Variants in COL18A1 observed in about 807,000 individuals in gnomAD.
COL18A1 encodes the protein collagen type XVIII alpha 1 chain, also known as collagen alpha-1(XVIII) chain.
Under a neutral mutation model 168.0 loss-of-function variants are expected in COL18A1, and 133 were observed. The observed-to-expected ratio is 0.79, with a 90% CI of 0.69 to 0.91. The LOEUF (loss-of-function observed/expected upper bound fraction) is 0.91, where lower values mean the gene tolerates loss of function less well. Ranked by LOEUF, COL18A1 falls within the 40% of genes least tolerant of loss-of-function variation. The pLI is 0.00. For synonymous variants in COL18A1, 949 were observed against 809.0 expected, an observed-to-expected ratio of 1.17 and a Z score of -2.94; for missense variants, 2,126 against 1,925.4, an observed-to-expected ratio of 1.10 and a Z score of -1.95.
chr21:45,484,471 G>A (rs1044037904), intron 15 of COL18A1, among the ~76,000 whole-genome samples: 2 of 129,536 alleles, frequency 1.5e-5, no homozygotes, highest in Admixed American at 7.6e-5. Flanking sequence ...ACACATGCAC[G>A]CCTCTCCAGC....
chr21:45,501,645 G>A (rs1023716176), intron 32 of COL18A1, among the ~76,000 whole-genome samples: 31 of 151,590 alleles, frequency 2.0e-4, no homozygotes, highest in Non-Finnish European at 4.1e-4. Flanking sequence ...TCTCCCAGGT[G>A]GTGGGGCCTC....
intron 2 of COL18A1, among the ~76,000 whole-genome samples, chr21:45,452,526 G>T (rs1296478587): frequency 6.6e-6 from 1 of 152,080 alleles, no homozygotes; most frequent in Non-Finnish European, 1.5e-5. Flanking sequence ...GAGCATGCAT[G>T]TACATATGTG....
chr21:45,460,166 TCAG>T (rs975642651), intron 2 of COL18A1, among the ~76,000 whole-genome samples: 2 of 152,194 alleles, frequency 1.3e-5, no homozygotes, highest in African/African-American at 4.8e-5. Context: ...AGAGCGCTCT[TCAG>T]CATCGCAGCA....
intron 39 of COL18A1, 108 bp from the exon 40 acceptor site, chr21:45,509,956 C>T: frequency 7.6e-7 from 1 of 1,307,364 alleles, no homozygotes; most frequent in Non-Finnish European, 1.0e-6. Context: ...GCTCAGCGCC[C>T]CTCGGCCGTG....
rs554366449 is a variant in COL18A1 at position 45,455,496 on chromosome 21, C to T, written c.107-12746C>T. ...AGCCCCACCTCCAGGCACAGAGGCC[C>T]TCCCGCCGCCCGCAGCTCCAGCCGC... On this transcript the variant is annotated intron_variant, in intron 2 of 41. Coordinates refer to ENST00000651438, the MANE Select transcript of COL18A1 (RefSeq NM_001379500.1). 3 of 1,609,024 alleles carry T rather than the reference C, an allele frequency of 1.9e-6. No homozygotes were observed. In the South Asian group the frequency reaches 3.3e-5, roughly 18 times the overall value.
rs7277874 is a variant in COL18A1, at chr21:45,499,742, G to A, written c.2683+2081G>A. On this transcript the variant is annotated intron_variant, in intron 32 of 41. Coordinates refer to ENST00000651438, the MANE Select transcript of COL18A1 (RefSeq NM_001379500.1). ...TATATTGGACGGTGAGGTTGGAGAG[G>A]AATGCAGAGCTAACACTGGTGGAGA... 8.7e-3 allele frequency among the ~76,000 whole-genome samples: 1,321 copies of A among 152,354 alleles called. 25 individuals carry two copies. Among genetic ancestry groups the A allele is most frequent in the African/African-American group, 0.03 (1,251 of 41,576 alleles).
Position 45,476,440 on chromosome 21 carries a change from TGAA to T in COL18A1, c.893_895del (p.Glu298del), listed in dbSNP as rs1295283763. The stretch of plus-strand genomic sequence containing the variant: ...GCAGCAGCACGGAAGATTCCAGAAG[TGAA>T]GAAGTCGAGGAGCAGACCACGGTGG... On this transcript the variant is annotated inframe_deletion, in exon 6 of 42. Transcript: ENST00000651438. The T allele has an allele frequency of 6.2e-7, 1 of 1,613,834 alleles. No individual in the cohort carries two copies. Among genetic ancestry groups the T allele is most frequent in the East Asian group, 2.2e-5 (1 of 44,862 alleles).
chr21:45,440,314 C>T (rs13048503), intron 2 of COL18A1, among the ~76,000 whole-genome samples: 1 of 152,234 alleles, frequency 6.6e-6, no homozygotes, highest in Non-Finnish European at 1.5e-5. Flanking sequence ...TGCCCACCCA[C>T]GGAGAGGGTC....
chr21:45,478,601 C>T (rs1287267583), intron 9 of COL18A1, among the ~76,000 whole-genome samples: 2 of 150,924 alleles, frequency 1.3e-5, no homozygotes, highest in Non-Finnish European at 2.9e-5. Flanking sequence ...TGAGAAAAGG[C>T]AGAGCTTCCA....
At chr21:45,426,776 C>T (rs2033816346) in intron 2 of COL18A1, among the ~76,000 whole-genome samples, 1 of 152,244 alleles carries the variant, frequency 6.6e-6, no homozygotes, top group Admixed American at 6.5e-5. Context: ...CAGACACTTG[C>T]CCATTCTGGG....
In COL18A1 at chr21:45,431,562, C is replaced by G. The variant is rs574055037; in HGVS notation, c.106+26089C>G. On this transcript the variant is annotated intron_variant, in intron 2 of 41. Coordinates refer to ENST00000651438, the MANE Select transcript of COL18A1 (RefSeq NM_001379500.1). ...CGGCGGCCCAGGGGAGGGGGGCAGGCAGGACCAGGCGGCCCTGGGGGTCAG... is the reference window on the plus strand; with the variant it reads ...CGGCGGCCCAGGGGAGGGGGGCAGGGAGGACCAGGCGGCCCTGGGGGTCAG... 7.9e-4 allele frequency among the ~76,000 whole-genome samples: 117 copies of G among 147,990 alleles called. 2 individuals are homozygous for G. The highest frequency in any genetic ancestry group is 2.8e-3 in the African/African-American group (110 of 39,366).
intron 2 of COL18A1, chr21:45,422,693 G>A (rs2033664965): frequency 2.8e-5 from 9 of 316,194 alleles, no homozygotes; most frequent in South Asian, 1.9e-4. Flanking sequence ...GCGGCCCCAG[G>A]TCAGGCCACT....
chr21:45,507,885 T>TG (rs2037317382), intron 38 of COL18A1, among the ~76,000 whole-genome samples: 1 of 152,180 alleles, frequency 6.6e-6, no homozygotes, highest in African/African-American at 2.4e-5. Flanking sequence ...TCAAAATCCT[T>TG]GGGGCCAAAA....
chr21:45,468,673 T>C lies in COL18A1; in HGVS notation c.538T>C (p.Cys180Arg). 6.2e-7 allele frequency: 1 copy of C among 1,613,898 alleles called. No individual in the cohort carries two copies. Among genetic ancestry groups the C allele is most frequent in the Non-Finnish European group, 8.5e-7 (1 of 1,180,004 alleles). ...TGGCTTTGTGGCCCTCTACGTGGACTGTGAGGAGTTCCAGAGAATGCCGCT... is the reference window on the plus strand; with the variant it reads ...TGGCTTTGTGGCCCTCTACGTGGACCGTGAGGAGTTCCAGAGAATGCCGCT... Reference protein sequence around the residue: ...AGGFVALYVDCEEFQRMPLAR... With the variant: ...AGGFVALYVDREEFQRMPLAR... The change falls in exon 3 of 42, where the codon TGT becomes CGT. Residue 180 changes from cysteine to arginine, a missense_variant. Transcript: ENST00000651438.
chr21:45,492,567 ATG>A lies in COL18A1; in HGVS notation c.2187+6_2187+7del. 1 of 1,613,154 alleles carries A rather than the reference ATG, an allele frequency of 6.2e-7. No homozygotes were observed. The highest frequency in any genetic ancestry group is 8.5e-7 in the Non-Finnish European group (1 of 1,179,994). The stretch of plus-strand genomic sequence containing the variant: ...TCCTGAGCGTGCCGGGACCTGAGGT[ATG>A]TGCCTGCCCAGCTTCTAAGAGACGG... On this transcript the variant is annotated splice_donor_5th_base_variant and intron_variant, in intron 23 of 41. Transcript: ENST00000651438.
intron 22 of COL18A1, among the ~76,000 whole-genome samples, chr21:45,492,129 C>T (rs1346949979): frequency 2.0e-5 from 3 of 152,162 alleles, no homozygotes; most frequent in Non-Finnish European, 2.9e-5. Context: ...TGCCCCAGCA[C>T]GGCTTTGCTA....
chr21:45,491,218 C>T lies in COL18A1; in HGVS notation c.2068-7C>T, dbSNP rs369084150. The stretch of plus-strand genomic sequence containing the variant: ...TGAAATGCCGGACGCGTGGCCTCCT[C>T]TTCCAGGGAGATCCAGGGAAGGACG... On this transcript the variant is annotated splice_polypyrimidine_tract_variant and splice_region_variant and intron_variant, in intron 21 of 41. Transcript: ENST00000651438. 366 of 1,610,920 alleles carry T rather than the reference C, an allele frequency of 2.3e-4. 1 individual carries two copies. Among genetic ancestry groups the T allele is most frequent in the Middle Eastern group, 1.5e-3 (9 of 6,048 alleles).
At chr21:45,409,264 G>A (rs1023749553) in intron 2 of COL18A1, among the ~76,000 whole-genome samples, 1 of 152,196 alleles carries the variant, frequency 6.6e-6, no homozygotes, top group South Asian at 2.1e-4. Context: ...GACGGCGCAG[G>A]GTCTGAGACA....
rs371143353 is a variant in COL18A1 at position 45,438,262 on chromosome 21, T to TCA, written c.107-29976_107-29975dup. On this transcript the variant is annotated intron_variant, in intron 2 of 41. Transcript: ENST00000651438. ...GGCACTCTCCTGCACACACACACAC[T>TCA]CACACTCAGACACACAGGCACTCTC... Among the ~76,000 whole-genome samples the TCA allele has an allele frequency of 3.3e-3, 131 of 39,662 alleles. 2 individuals carry two copies. Among genetic ancestry groups the TCA allele is most frequent in the South Asian group, 6.1e-3 (8 of 1,304 alleles). 26.0% of individuals were successfully genotyped at this position (39,662 alleles called of 152,430 possible).
Sources: gnomAD v4.1 joint callset for allele counts (sites outside exome capture counted in the v4.1 genomes callset) on GRCh38, gnomAD v4.1.1 for gene constraint, MANE v1.5 for transcripts, NCBI Gene and HGNC (gene_info 2026-07-23, HGNC 2026-07-21) for gene names.